The following NT5DC3 variants were observed in gnomAD, a reference collection of about 807,000 sequenced individuals.
NT5DC3 encodes the protein 5'-nucleotidase domain-containing protein 3.
NT5DC3 carries 42 observed loss-of-function variants against 67.8 expected under a neutral mutation model. The observed-to-expected ratio is 0.62, with a 90% CI of 0.48 to 0.80. NT5DC3 has a LOEUF of 0.80. Among genes scored for constraint, NT5DC3 ranks in the 30% least tolerant of loss-of-function variants. The pLI is 0.00. For synonymous variants in NT5DC3, 237 were observed against 255.6 expected (o/e 0.93, Z 0.69); for missense variants, 570 against 696.4 (o/e 0.82, Z 2.04).
At chr12:103,798,442 G>A in intron 5 of NT5DC3, 145 bp downstream of exon 5, 1 of 623,994 alleles carries the variant, frequency 1.6e-6, no homozygotes, top group Non-Finnish European at 2.9e-6. Flanking sequence ...AAGAATCTGG[G>A]GGTGTCCCCT....
intron 9 of NT5DC3, among the ~76,000 whole-genome samples, chr12:103,789,283 G>C (rs773222509): frequency 6.6e-6 from 1 of 152,132 alleles, no homozygotes; most frequent in Non-Finnish European, 1.5e-5. Flanking sequence ...AATTAGCTGA[G>C]CATGGTGGCG....
At position 103,777,493 on chromosome 12, in the gene NT5DC3, C is replaced by A. The variant is rs3751205; in HGVS notation, c.*336G>T. On this transcript the variant is annotated 3_prime_UTR_variant, in exon 14 of 14. Coordinates refer to ENST00000392876, the MANE Select transcript of NT5DC3 (RefSeq NM_001031701.3). ...AATGTTCCATGGAGGAGTCAAGAAC[C>A]GTTTCAAGCTTGACCTGCTAGAATA... is the stretch of plus-strand genomic sequence containing the variant. The A allele has an allele frequency of 2.9e-5, 8 of 278,884 alleles. No individual in the cohort carries two copies. The highest frequency in any genetic ancestry group is 2.4e-4 in the South Asian group (3 of 12,388). 17.3% of individuals were successfully genotyped at this position (278,884 alleles called of 1,614,324 possible).
chr12:103,838,332 C>A (rs573675389), intron 1 of NT5DC3, among the ~76,000 whole-genome samples: 1 of 152,196 alleles, frequency 6.6e-6, no homozygotes, highest in African/African-American at 2.4e-5. Context: ...CTGTCTCATG[C>A]GCCAGGCACT....
At chr12:103,808,236 T>C (rs1886885832) in intron 2 of NT5DC3, among the ~76,000 whole-genome samples, 1 of 152,248 alleles carries the variant, frequency 6.6e-6, no homozygotes, top group South Asian at 2.1e-4. Context: ...TCAGAGGTTC[T>C]GAATGAAACA....
At chr12:103,800,779 T>A (rs1220400242) in intron 4 of NT5DC3, among the ~76,000 whole-genome samples, 1 of 152,238 alleles carries the variant, frequency 6.6e-6, no homozygotes, top group Non-Finnish European at 1.5e-5. Flanking sequence ...GGAGCACAGA[T>A]CTGAATGAGT....
At chr12:103,755,819 T>G in the NT5DC3 span, 1 of 1,109,550 alleles carries the variant, frequency 9.0e-7, no homozygotes, top group South Asian at 1.3e-5. Flanking sequence ...CAGTCACAGT[T>G]AAGAGCATGG....
chr12:103,820,056 G>A (rs986261830), intron 1 of NT5DC3, among the ~76,000 whole-genome samples: 1 of 152,124 alleles, frequency 6.6e-6, no homozygotes, highest in Non-Finnish European at 1.5e-5. Flanking sequence ...TGACCTCAAG[G>A]TTCATCCATG....
chr12:103,758,231 A>G, the NT5DC3 span: 3 of 1,613,984 alleles, frequency 1.9e-6, no homozygotes, highest in Non-Finnish European at 2.5e-6. Context: ...CACCTGACTG[A>G]CCTGTCCATC....
chr12:103,763,733 C>A, the NT5DC3 span: 1 of 963,274 alleles, frequency 1.0e-6, no homozygotes, highest in Non-Finnish European at 1.6e-6. Context: ...TGTCAGGTAA[C>A]AAGCCTAAAA....
intron 2 of NT5DC3, among the ~76,000 whole-genome samples, chr12:103,812,785 G>A (rs901515647): frequency 2.0e-5 from 3 of 152,158 alleles, no homozygotes; most frequent in African/African-American, 7.2e-5. Context: ...TGTAAACAGA[G>A]ACAACATGTG....
Position 103,840,995 on chromosome 12 carries a change from C to T in NT5DC3, c.162G>A (p.Lys54=), listed in dbSNP as rs1282007920. The T allele has an allele frequency of 4.5e-6, 6 of 1,320,076 alleles. No homozygotes were observed. The highest frequency in any genetic ancestry group is 5.8e-6 in the Non-Finnish European group (6 of 1,030,514). 81.8% of individuals were successfully genotyped at this position (1,320,076 alleles called of 1,614,324 possible). A position where few individuals can be genotyped will look rare whatever the true frequency, so the allele number is the denominator to read the frequency against. ...CTAPGTAPDM[K]RYLWERYREA... is the part of the protein sequence containing the mutation. Reference sequence around the variant, plus strand: ...CCCGGTAGCGCTCCCACAGGTAGCGCTTCATGTCCGGGGCGGTCCCGGGTG... The same window carrying T: ...CCCGGTAGCGCTCCCACAGGTAGCGTTTCATGTCCGGGGCGGTCCCGGGTG... Residue 54 remains lysine, a synonymous_variant, in exon 1 of 14, where the codon AAG becomes AAA. Transcript: ENST00000392876.
chr12:103,796,008 C>T (rs1325076086), intron 6 of NT5DC3, among the ~76,000 whole-genome samples: 2 of 152,198 alleles, frequency 1.3e-5, no homozygotes, highest in Non-Finnish European at 2.9e-5. Flanking sequence ...TGCCAAGATC[C>T]TATGGGCAAC....
chr12:103,768,564 A>G (rs7299290), downstream of NT5DC3, among the ~76,000 whole-genome samples: 1 of 424 alleles, frequency 2.4e-3, no homozygotes, highest in Non-Finnish European at 5.8e-3. Context: ...AGGCGGAGGG[A>G]GAGAGAGGGA....
At chr12:103,757,157 C>T in the NT5DC3 span, among the ~76,000 whole-genome samples, 183 of 151,438 alleles carry the variant, frequency 1.2e-3, no homozygotes, top group African/African-American at 4.3e-3. Flanking sequence ...GGCATGATCT[C>T]GGCTCATGGC....
chr12:103,794,049 G>GT (rs771104421), intron 6 of NT5DC3, 52 bp from the exon 7 acceptor site: 12 of 1,398,516 alleles, frequency 8.6e-6, no homozygotes, highest in Non-Finnish European at 1.2e-5. Flanking sequence ...GATAGCCTGA[G>GT]TAACAGTACA....
chr12:103,837,881 G>A (rs925071160), intron 1 of NT5DC3, among the ~76,000 whole-genome samples: 95 of 152,248 alleles, frequency 6.2e-4, no homozygotes, highest in African/African-American at 2.1e-3. Context: ...CTCCAAAGTC[G>A]CTTCCACATT....
At chr12:103,837,120 G>A (rs1888183707) in intron 1 of NT5DC3, among the ~76,000 whole-genome samples, 1 of 152,222 alleles carries the variant, frequency 6.6e-6, no homozygotes, top group South Asian at 2.1e-4. Context: ...TGACTTCGGT[G>A]CACCCGTAGG....
At chr12:103,823,744 G>C (rs888079771) in intron 1 of NT5DC3, among the ~76,000 whole-genome samples, 6 of 152,212 alleles carry the variant, frequency 3.9e-5, no homozygotes, top group African/African-American at 1.4e-4. Flanking sequence ...GATTGGAAAT[G>C]TGAAAATAAG....
rs977896766 is a variant in NT5DC3 at position 103,841,053 on chromosome 12, G to T, written c.104C>A (p.Pro35Gln). The T allele has an allele frequency of 3.2e-6, 4 of 1,261,440 alleles. No individual in the cohort carries two copies. In the Admixed American group the frequency reaches 1.3e-4, roughly 39 times the overall value. The allele number at this position is 1,261,440 out of a possible 1,614,324, so 78.1% of individuals were successfully genotyped here. Residue 35 changes from proline to glutamine, a missense_variant, in exon 1 of 14, where the codon CCG becomes CAG. Pro to Gln is a moderately conservative substitution (Grantham distance 76). This residue lies in a region of NT5DC3 where 104 missense variants were observed against 88.4 expected (regional missense o/e 1.18). Coordinates refer to ENST00000392876, the MANE Select transcript of NT5DC3 (RefSeq NM_001031701.3). ...GGCGTAARGR[P>Q]CAGPARPLCT... ...CAAGGGCCGGGCGGGGCCCGCACACGGCCGCCCCCGAGCCGCGGTCCCGCA... is the reference window on the plus strand; with the variant it reads ...CAAGGGCCGGGCGGGGCCCGCACACTGCCGCCCCCGAGCCGCGGTCCCGCA...
Sources: allele counts gnomAD v4.1 joint callset (sites outside exome capture counted in the v4.1 genomes callset), GRCh38; gene constraint gnomAD v4.1.1; regional missense constraint gnomAD v4.1.1; transcripts MANE v1.5; gene names NCBI Gene and HGNC (gene_info 2026-07-23, HGNC 2026-07-21).